NUDCD3: variants seen among roughly 807,000 people sequenced by gnomAD.
NUDCD3 encodes the protein NudC domain containing 3.
Under a neutral mutation model 39.7 loss-of-function variants are expected in NUDCD3, and 13 were observed. The ratio of observed to expected loss-of-function variants is 0.33; its 90% confidence interval spans 0.21 to 0.52. The LOEUF (loss-of-function observed/expected upper bound fraction) is 0.52, where lower values mean the gene tolerates loss of function less well. NUDCD3 is among the 20% of genes least tolerant of loss of function. The probability of loss-of-function intolerance (pLI) is 0.96; values close to 1 mark genes in which losing one functional copy is unlikely to be tolerated. For missense variants in NUDCD3, 453 were observed against 458.1 expected (o/e 0.99, Z 0.10); for synonymous variants, 175 against 172.4 (o/e 1.02, Z -0.12).
chr7:44,462,556 GA>G (rs1315549124), intron 2 of NUDCD3, among the ~76,000 whole-genome samples: 1 of 152,202 alleles, frequency 6.6e-6, no homozygotes, highest in African/African-American at 2.4e-5. Context: ...TTTCAAATAT[GA>G]ATGAAAACAG....
At position 44,447,828 on chromosome 7, in the gene NUDCD3, A is replaced by G. The variant is rs1799715168; in HGVS notation, c.510-20125T>C. Among the ~76,000 whole-genome samples, 2 of 152,218 alleles carry G rather than the reference A, an allele frequency of 1.3e-5. 1 individual carries two copies. Among genetic ancestry groups the G allele is most frequent in the South Asian group, 4.1e-4 (2 of 4,830 alleles). On this transcript the variant is annotated intron_variant, in intron 2 of 5. Transcript: ENST00000355451. ...GACATATGACATCAATTAGAAGGGA[A>G]TAAGAAAAAGGGACAGGCCATCAGC...
At chr7:44,407,130 A>T (rs572198464) in intron 3 of NUDCD3, among the ~76,000 whole-genome samples, 1 of 151,908 alleles carries the variant, frequency 6.6e-6, no homozygotes, top group Non-Finnish European at 1.5e-5. Context: ...CCAAGACCCT[A>T]TGTCCTATAA....
chr7:44,399,842 T>C (rs961882530), intron 4 of NUDCD3, among the ~76,000 whole-genome samples: 1 of 152,098 alleles, frequency 6.6e-6, no homozygotes, highest in Non-Finnish European at 1.5e-5. Flanking sequence ...GGTTCAAAAA[T>C]CATAAACAAA....
At chr7:44,470,151 T>C (rs929441043) in intron 2 of NUDCD3, among the ~76,000 whole-genome samples, 1 of 152,176 alleles carries the variant, frequency 6.6e-6, no homozygotes, top group Non-Finnish European at 1.5e-5. Context: ...ATATGAATTA[T>C]CTAAAATTCA....
At chr7:44,392,001 G>C (rs527611703) in intron 5 of NUDCD3, among the ~76,000 whole-genome samples, 3 of 152,202 alleles carry the variant, frequency 2.0e-5, no homozygotes, top group South Asian at 4.1e-4. Flanking sequence ...CAACACACTT[G>C]ATGTTACCAG....
At chr7:44,399,063 T>C (rs759295545) in intron 4 of NUDCD3, among the ~76,000 whole-genome samples, 2 of 152,344 alleles carry the variant, frequency 1.3e-5, no homozygotes, top group African/African-American at 2.4e-5. Flanking sequence ...GGAAGGCCCA[T>C]GTATTCCAGG....
At chr7:44,472,354 G>A (rs1374248444) in intron 2 of NUDCD3, among the ~76,000 whole-genome samples, 1 of 152,172 alleles carries the variant, frequency 6.6e-6, no homozygotes, top group African/African-American at 2.4e-5. Flanking sequence ...CGATATTGGT[G>A]TATAGGACTT....
intron 3 of NUDCD3, among the ~76,000 whole-genome samples, chr7:44,423,326 C>T (rs557953487): frequency 1.3e-3 from 199 of 152,218 alleles, no homozygotes; most frequent in Admixed American, 2.7e-3. Flanking sequence ...AAAGCGTATT[C>T]AAATAGGAAG....
intron 3 of NUDCD3, among the ~76,000 whole-genome samples, chr7:44,415,740 C>T (rs1415835143): frequency 2.6e-5 from 4 of 152,148 alleles, no homozygotes; most frequent in Non-Finnish European, 4.4e-5. Context: ...TATCCACAGC[C>T]CCAACACAAA....
chr7:44,404,404 C>A (rs1798777463), intron 4 of NUDCD3, 36 bp downstream of exon 4: 1 of 1,603,304 alleles, frequency 6.2e-7, no homozygotes, highest in South Asian at 1.1e-5. Flanking sequence ...GTTTGAAGTC[C>A]ACCTGGGAGC....
chr7:44,447,211 C>G (rs1799704919), intron 2 of NUDCD3, among the ~76,000 whole-genome samples: 1 of 152,234 alleles, frequency 6.6e-6, no homozygotes, highest in Non-Finnish European at 1.5e-5. Context: ...GCAAGTTTGA[C>G]AGCCACAACG....
chr7:44,433,647 A>AC (rs2116911579), intron 2 of NUDCD3, among the ~76,000 whole-genome samples: 1 of 152,326 alleles, frequency 6.6e-6, no homozygotes, highest in South Asian at 2.1e-4. Flanking sequence ...GGCAACCAGC[A>AC]GACATGGCTC....
At chr7:44,453,109 T>C (rs1435214025) in intron 2 of NUDCD3, among the ~76,000 whole-genome samples, 1 of 152,070 alleles carries the variant, frequency 6.6e-6, no homozygotes, top group African/African-American at 2.4e-5. Context: ...TCCCAGCACT[T>C]TGGGAAGCTG....
At chr7:44,435,990 T>A (rs1799456563) in intron 2 of NUDCD3, among the ~76,000 whole-genome samples, 1 of 152,124 alleles carries the variant, frequency 6.6e-6, no homozygotes, top group African/African-American at 2.4e-5. Context: ...AAGTTCTAAG[T>A]TTTTTGGACA....
chr7:44,483,764 C>A (rs982663819), intron 2 of NUDCD3, among the ~76,000 whole-genome samples: 1 of 151,700 alleles, frequency 6.6e-6, no homozygotes, highest in Non-Finnish European at 1.5e-5. Flanking sequence ...GAAAAAAAAA[C>A]AAAAACTCCC....
chr7:44,458,436 G>C (rs1179339910), intron 2 of NUDCD3, among the ~76,000 whole-genome samples: 1 of 152,046 alleles, frequency 6.6e-6, no homozygotes, highest in African/African-American at 2.4e-5. Context: ...GAGGCAGGTG[G>C]ATCACCTGAG....
At chr7:44,488,338 GAAA>G (rs368893785) in intron 1 of NUDCD3, among the ~76,000 whole-genome samples, 55 of 108,232 alleles carry the variant, frequency 5.1e-4, no homozygotes, top group African/African-American at 6.9e-4. Context: ...CCATCTCCAG[GAAA>G]AAAAAAAAAA....
intron 3 of NUDCD3, chr7:44,426,158 T>A (rs1019251425): frequency 3.5e-5 from 34 of 985,254 alleles, no homozygotes; most frequent in Admixed American, 3.1e-4. Context: ...CATGACCTGA[T>A]GTAGTTTAAA....
intron 2 of NUDCD3, among the ~76,000 whole-genome samples, chr7:44,480,811 G>A (rs542301084): frequency 3.3e-5 from 5 of 151,872 alleles, no homozygotes; most frequent in East Asian, 1.9e-4. Flanking sequence ...GCAAGGTGGT[G>A]CACGCCTGTA....
Sources: gnomAD v4.1 joint callset for allele counts (sites outside exome capture counted in the v4.1 genomes callset) on GRCh38, gnomAD v4.1.1 for gene constraint, MANE v1.5 for transcripts, NCBI Gene and HGNC (gene_info 2026-07-23, HGNC 2026-07-21) for gene names.